Variants in EEFSEC observed in about 807,000 individuals in gnomAD.
EEFSEC encodes selenocysteine-specific elongation factor.
EEFSEC carries 43 observed loss-of-function variants against 42.1 expected under a neutral mutation model. The ratio of observed to expected loss-of-function variants is 1.02; its 90% CI spans 0.80 to 1.32. EEFSEC has a LOEUF of 1.32. EEFSEC is among the 40% of genes most tolerant of loss of function. EEFSEC has a pLI of 0.00. For synonymous variants in EEFSEC, 354 were observed against 339.1 expected, an observed-to-expected ratio of 1.04 and a Z score of -0.48; for missense variants, 745 against 803.6, an observed-to-expected ratio of 0.93 and a Z score of 0.88.
intron 6 of EEFSEC, among the ~76,000 whole-genome samples, chr3:128,360,195 C>T (rs112705147): frequency 1.3e-5 from 2 of 152,222 alleles, no homozygotes; most frequent in Non-Finnish European, 2.9e-5. Context: ...CTCACCTCAG[C>T]CAAACAGGAG....
At chr3:128,308,478 T>C (rs1308688206) in intron 4 of EEFSEC, among the ~76,000 whole-genome samples, 1 of 152,160 alleles carries the variant, frequency 6.6e-6, no homozygotes, top group East Asian at 1.9e-4. Flanking sequence ...GGGACTCTTA[T>C]CCCCTCTTTG....
At chr3:128,267,825 C>G (rs531023228) in intron 4 of EEFSEC, among the ~76,000 whole-genome samples, 14 of 152,270 alleles carry the variant, frequency 9.2e-5, no homozygotes, top group East Asian at 5.8e-4. Flanking sequence ...CAAAGTTATG[C>G]GGAGAGCCGT....
rs866781598 is a variant in EEFSEC at position 128,289,837 on chromosome 3, A to G, written c.786+25056A>G. ...GGGGGCCACCAATATGGTAGAATGG[A>G]AATATGTTGCTCACCTTTTAATGTG... is the stretch of plus-strand genomic sequence containing the variant. On this transcript the variant is annotated intron_variant, in intron 4 of 6. Transcript: ENST00000254730. 2.6e-5 allele frequency among the ~76,000 whole-genome samples: 4 copies of G among 152,332 alleles called. 1 individual carries two copies. In the Middle Eastern group the frequency reaches 0.014, roughly 518 times the overall value.
chr3:128,360,728 G>T (rs975021978), intron 6 of EEFSEC, among the ~76,000 whole-genome samples: 1 of 151,924 alleles, frequency 6.6e-6, no homozygotes, highest in Non-Finnish European at 1.5e-5. Context: ...CGGGGTGCTG[G>T]GGTGGGAGTG....
chr3:128,274,602 C>A (rs2066447626), intron 4 of EEFSEC, among the ~76,000 whole-genome samples: 1 of 152,216 alleles, frequency 6.6e-6, no homozygotes, highest in Admixed American at 6.5e-5. Flanking sequence ...AGCTGTAGCA[C>A]CCTACAAGTT....
Position 128,341,424 on chromosome 3 carries a change from G to A in EEFSEC, c.978G>A (p.Arg326=). 1 of 1,614,162 alleles carries A rather than the reference G, an allele frequency of 6.2e-7. No homozygotes were observed. The highest frequency in any genetic ancestry group is 8.5e-7 in the Non-Finnish European group (1 of 1,180,030). Residue 326 remains arginine (R), a synonymous_variant, in exon 5 of 7, where the codon CGG becomes CGA. Coordinates refer to ENST00000254730, the MANE Select transcript of EEFSEC (RefSeq NM_021937.5). ...CTGTGGAAAAGATACCGTATTTCCGGGGGCCCCTGCAAACCAAGGCCAAGT... is the reference window on the plus strand; with the variant it reads ...CTGTGGAAAAGATACCGTATTTCCGAGGGCCCCTGCAAACCAAGGCCAAGT... The part of the protein sequence containing the change: ...LISVEKIPYF[R]GPLQTKAKFH...
chr3:128,340,685 GC>G (rs2067240325), intron 4 of EEFSEC, among the ~76,000 whole-genome samples: 1 of 152,208 alleles, frequency 6.6e-6, no homozygotes, highest in African/African-American at 2.4e-5. Context: ...ATTCAGAGGG[GC>G]TGGGTTACCA....
chr3:128,303,201 A>G (rs961567555), intron 4 of EEFSEC, among the ~76,000 whole-genome samples: 1 of 152,162 alleles, frequency 6.6e-6, no homozygotes, highest in African/African-American at 2.4e-5. Flanking sequence ...CTCCTGGACA[A>G]CAGGAGCAAT....
intron 6 of EEFSEC, 83 bp downstream of exon 6, chr3:128,358,456 C>G: frequency 6.4e-7 from 1 of 1,557,984 alleles, no homozygotes; most frequent in Non-Finnish European, 8.7e-7. Flanking sequence ...GGTGGCGCTC[C>G]TTGGCTTAGG....
chr3:128,349,844 T>G (rs2067361945), intron 5 of EEFSEC, among the ~76,000 whole-genome samples: 1 of 152,234 alleles, frequency 6.6e-6, no homozygotes, highest in African/African-American at 2.4e-5. Flanking sequence ...ATATGTAACA[T>G]GCTGAGTACT....
At chr3:128,355,669 T>A (rs938954865) in intron 5 of EEFSEC, among the ~76,000 whole-genome samples, 1 of 144,590 alleles carries the variant, frequency 6.9e-6, no homozygotes, top group Middle Eastern at 3.7e-3. Flanking sequence ...TACCAACAAC[T>A]ACAACCATGT....
intron 6 of EEFSEC, among the ~76,000 whole-genome samples, chr3:128,366,390 G>A (rs1267663317): frequency 3.3e-5 from 5 of 152,248 alleles, no homozygotes. Flanking sequence ...CCCATGCCCT[G>A]TGCCAGGCAG....
chr3:128,422,840 GCCTT>G, the EEFSEC span, among the ~76,000 whole-genome samples: 6 of 152,230 alleles, frequency 3.9e-5, no homozygotes, highest in Non-Finnish European at 7.3e-5. Context: ...AGTCACCAGA[GCCTT>G]CCTTCAGGTC....
chr3:128,421,932 A>G, the EEFSEC span, among the ~76,000 whole-genome samples: 1 of 151,232 alleles, frequency 6.6e-6, no homozygotes, highest in African/African-American at 2.4e-5. Context: ...CTCCCTCCGC[A>G]CTCCCCCGGC....
intron 1 of EEFSEC, among the ~76,000 whole-genome samples, chr3:128,194,134 C>T (rs764971980): frequency 3.9e-5 from 6 of 152,198 alleles, no homozygotes; most frequent in South Asian, 2.1e-4. Context: ...TCCTCTCTTC[C>T]GTCTTGGGAC....
intron 6 of EEFSEC, among the ~76,000 whole-genome samples, chr3:128,375,240 G>A (rs79039750): frequency 0.018 from 2,805 of 152,302 alleles, 92 homozygotes; most frequent in African/African-American, 0.063. Context: ...GGGGGATCAG[G>A]TGTAGGCTAA....
chr3:128,210,178 C>A (rs538283071), intron 1 of EEFSEC, among the ~76,000 whole-genome samples: 2 of 152,240 alleles, frequency 1.3e-5, no homozygotes, highest in South Asian at 4.1e-4. Context: ...GAAACTGTTT[C>A]GTTATTTAGT....
intron 1 of EEFSEC, among the ~76,000 whole-genome samples, chr3:128,170,689 T>C (rs2065287479): frequency 6.6e-6 from 1 of 152,166 alleles, no homozygotes; most frequent in Non-Finnish European, 1.5e-5. Flanking sequence ...CTCCCTGCTT[T>C]TTTTCCCTCT....
At chr3:128,381,633 C>G (rs1380653472) in intron 6 of EEFSEC, among the ~76,000 whole-genome samples, 4 of 152,216 alleles carry the variant, frequency 2.6e-5, no homozygotes, top group African/African-American at 9.6e-5. Context: ...AGCTTTGGGC[C>G]TGCTTCCTGG....
Sources: allele counts gnomAD v4.1 joint callset (sites outside exome capture counted in the v4.1 genomes callset), GRCh38; gene constraint gnomAD v4.1.1; transcripts MANE v1.5; gene names NCBI Gene and HGNC (gene_info 2026-07-23, HGNC 2026-07-21).